SVOP: variants seen among roughly 807,000 people sequenced by gnomAD.
SVOP encodes the protein SV2 related protein.
Under a neutral mutation model 69.1 loss-of-function variants are expected in SVOP, and 17 were observed. That is an observed-to-expected ratio of 0.25 (90% CI 0.17 to 0.37). The LOEUF is 0.37. Ranked by LOEUF, SVOP falls within the 10% of genes least tolerant of loss-of-function variation. The pLI is 1.00. For synonymous variants in SVOP, 238 were observed against 238.6 expected, an observed-to-expected ratio of 1.00 and a Z score of 0.02; for missense variants, 435 against 597.5, an observed-to-expected ratio of 0.73 and a Z score of 2.84.
intron 1 of SVOP, among the ~76,000 whole-genome samples, chr12:109,006,669 T>A (rs976558593): frequency 5.3e-5 from 8 of 152,148 alleles, no homozygotes; most frequent in African/African-American, 1.9e-4. Context: ...TGTCCTTAAT[T>A]GTCTCATGCC....
At chr12:108,945,885 G>A (rs1424782202) in intron 6 of SVOP, among the ~76,000 whole-genome samples, 1 of 152,118 alleles carries the variant, frequency 6.6e-6, no homozygotes, top group Non-Finnish European at 1.5e-5. Context: ...GCTGGTGATG[G>A]AGATTACCAG....
At chr12:109,019,090 G>A (rs1030613864) in intron 1 of SVOP, among the ~76,000 whole-genome samples, 2 of 152,124 alleles carry the variant, frequency 1.3e-5, no homozygotes, top group Non-Finnish European at 2.9e-5. Context: ...ATGTATTTAT[G>A]CCTATTAAGC....
intron 11 of SVOP, among the ~76,000 whole-genome samples, chr12:108,923,055 T>C (rs1309830322): frequency 6.6e-6 from 1 of 152,238 alleles, no homozygotes; most frequent in Non-Finnish European, 1.5e-5. Flanking sequence ...AAGTGGGCTA[T>C]GCGTATGAAT....
intron 6 of SVOP, among the ~76,000 whole-genome samples, chr12:108,957,130 G>C (rs1160864402): frequency 6.6e-6 from 1 of 152,110 alleles, no homozygotes; most frequent in Non-Finnish European, 1.5e-5. Context: ...CTCCCAGGGA[G>C]GGAAAGCTTC....
chr12:108,923,635 C>T (rs1321544088), intron 11 of SVOP, among the ~76,000 whole-genome samples: 1 of 151,902 alleles, frequency 6.6e-6, no homozygotes, highest in Non-Finnish European at 1.5e-5. Context: ...CTGTCTCAGG[C>T]CACTAAGAAA....
At chr12:108,957,007 T>TA (rs1483276222) in intron 6 of SVOP, among the ~76,000 whole-genome samples, 1 of 152,058 alleles carries the variant, frequency 6.6e-6, no homozygotes, top group African/African-American at 2.4e-5. Flanking sequence ...GTCTGGAAAT[T>TA]AAGGGGTTGA....
At position 108,908,540 on chromosome 12, in the gene SVOP, CT is replaced by C. The variant is rs1398564425; in HGVS notation, c.*3994del. ...GCTGGAAGGGAGTTGCAGCCCCCCC[CT>C]GCAGACAGGGCTGGTGTTTCTCTTG... On this transcript the variant is annotated 3_prime_UTR_variant, in exon 16 of 16. Coordinates refer to ENST00000610966, the MANE Select transcript of SVOP (RefSeq NM_018711.5). 2.0e-5 allele frequency: 3 copies of C among 152,128 alleles called. No individual in the cohort carries two copies. Among genetic ancestry groups the C allele is most frequent in the African/African-American group, 2.4e-5 (1 of 41,442 alleles). 9.4% of individuals were successfully genotyped at this position (152,128 alleles called of 1,614,324 possible).
chr12:108,930,719 C>T (rs559756157), intron 11 of SVOP, among the ~76,000 whole-genome samples: 2 of 152,280 alleles, frequency 1.3e-5, no homozygotes, highest in South Asian at 4.1e-4. Flanking sequence ...CAGGCATGAG[C>T]CACTACGCCT....
At chr12:108,984,223 GC>G (rs1185193993) in intron 1 of SVOP, among the ~76,000 whole-genome samples, 1 of 152,120 alleles carries the variant, frequency 6.6e-6, no homozygotes, top group African/African-American at 2.4e-5. Context: ...TCACTATGTT[GC>G]CCAGTCTGGT....
chr12:108,955,353 G>C (rs1005373456), intron 6 of SVOP, among the ~76,000 whole-genome samples: 2 of 152,176 alleles, frequency 1.3e-5, no homozygotes, highest in African/African-American at 2.4e-5. Flanking sequence ...AGTTGTGTCT[G>C]CAGGAATTCC....
chr12:108,977,049 T>G (rs2040110283), intron 4 of SVOP, among the ~76,000 whole-genome samples: 1 of 152,240 alleles, frequency 6.6e-6, no homozygotes, highest in Admixed American at 6.5e-5. Context: ...TGCCAGGCAC[T>G]GTGTTGTTTC....
intron 15 of SVOP, among the ~76,000 whole-genome samples, chr12:108,913,008 C>T (rs1262869317): frequency 1.3e-5 from 2 of 152,072 alleles, no homozygotes; most frequent in Non-Finnish European, 2.9e-5. Context: ...CCTGCAGAAT[C>T]GTGAGTCAAA....
intron 2 of SVOP, among the ~76,000 whole-genome samples, chr12:108,982,074 C>CTTCATCATCATCACT (rs2040138827): frequency 6.6e-6 from 1 of 151,712 alleles, no homozygotes; most frequent in Non-Finnish European, 1.5e-5. Flanking sequence ...TAACCACCAT[C>CTTCATCATCATCACT]TTCATCATCA....
intron 3 of SVOP, among the ~76,000 whole-genome samples, chr12:108,977,806 TTA>T (rs2040115378): frequency 6.6e-6 from 1 of 152,224 alleles, no homozygotes; most frequent in Non-Finnish European, 1.5e-5. Flanking sequence ...AAAAACATTT[TTA>T]TAGATGCAGA....
chr12:108,949,991 C>G (rs1310350566), intron 6 of SVOP, among the ~76,000 whole-genome samples: 2 of 152,188 alleles, frequency 1.3e-5, no homozygotes, highest in Non-Finnish European at 2.9e-5. Context: ...ACTTCTTGCT[C>G]TTAAATTTCT....
chr12:109,010,869 A>G (rs1011954154), intron 1 of SVOP, among the ~76,000 whole-genome samples: 1 of 151,878 alleles, frequency 6.6e-6, no homozygotes, highest in Non-Finnish European at 1.5e-5. Context: ...CATAAAATGT[A>G]AACATTTTTG....
chr12:108,960,780 T>C, intron 6 of SVOP, 143 bp downstream of exon 6: 2 of 958,282 alleles, frequency 2.1e-6, no homozygotes, highest in Non-Finnish European at 3.0e-6. Context: ...TGCTACACCA[T>C]AGCTCCTTGA....
At chr12:109,003,037 C>T (rs910111744) in intron 1 of SVOP, among the ~76,000 whole-genome samples, 4 of 151,022 alleles carry the variant, frequency 2.6e-5, no homozygotes, top group African/African-American at 9.7e-5. Context: ...AATGCAGAGT[C>T]TCAGACCCTG....
intron 1 of SVOP, among the ~76,000 whole-genome samples, chr12:108,989,768 C>T (rs548130840): frequency 2.0e-5 from 3 of 152,318 alleles, no homozygotes; most frequent in East Asian, 3.9e-4. Flanking sequence ...CAAAGAAGTT[C>T]CTGCAGAGTT....
Sources: gnomAD v4.1 joint callset for allele counts (sites outside exome capture counted in the v4.1 genomes callset) on GRCh38, gnomAD v4.1.1 for gene constraint, MANE v1.5 for transcripts, NCBI Gene and HGNC (gene_info 2026-07-23, HGNC 2026-07-21) for gene names.